SULF2: variants seen among roughly 807,000 people sequenced by gnomAD.
The protein encoded by SULF2 is extracellular sulfatase Sulf-2.
Under a neutral mutation model 107.7 loss-of-function variants are expected in SULF2, and 52 were observed. The ratio of observed to expected loss-of-function variants is 0.48; its 90% CI spans 0.39 to 0.61. The LOEUF is 0.61. Ranked by LOEUF, SULF2 falls within the 20% of genes least tolerant of loss-of-function variation. The pLI is 0.00. For missense variants in SULF2, 993 were observed against 1,177.3 expected (o/e 0.84, Z 2.29); for synonymous variants, 460 against 464.3 (o/e 0.99, Z 0.12).
rs560139975 is a variant in SULF2, at chr20:47,735,083, G to C, written c.415+1620C>G. Among the ~76,000 whole-genome samples, 4 of 152,222 alleles carry C rather than the reference G, an allele frequency of 2.6e-5. No homozygotes were observed. The South Asian group carries it at 6.2e-4, about 24-fold the overall frequency. Reference sequence around the variant, plus strand: ...TTCCATGCCCCCTCTGAATTCCCATGATCTTGCATTCCATTTTGATTATGC... The same window carrying C: ...TTCCATGCCCCCTCTGAATTCCCATCATCTTGCATTCCATTTTGATTATGC... On this transcript the variant is annotated intron_variant, in intron 3 of 20. Transcript: ENST00000688720.
At chr20:47,697,691 G>A (rs11700278) in intron 4 of SULF2, among the ~76,000 whole-genome samples, 29,419 of 152,094 alleles carry the variant, frequency 0.19, 3,598 homozygotes, top group Admixed American at 0.27. Flanking sequence ...ATCCTCTCAC[G>A]CCTCCCTCAC....
Position 47,757,446 on chromosome 20 carries a change from C to T in SULF2, c.-83G>A. The T allele has an allele frequency of 7.0e-7, 1 of 1,431,122 alleles. No homozygotes were observed. Among genetic ancestry groups the T allele is most frequent in the Non-Finnish European group, 9.4e-7 (1 of 1,066,528 alleles). The allele number at this position is 1,431,122 out of a possible 1,614,324, so 88.7% of individuals were successfully genotyped here. ...TGTGGCTTTGTTTCTTTTCCCTCGT[C>T]CCTCTTCACTCGCAGATCTAGAGGA... On this transcript the variant is annotated 5_prime_UTR_variant, in exon 2 of 21. Transcript: ENST00000688720.
intron 2 of SULF2, among the ~76,000 whole-genome samples, chr20:47,754,961 T>C (rs1014374021): frequency 6.6e-6 from 1 of 152,186 alleles, no homozygotes. Flanking sequence ...CAGCCTCCCA[T>C]TAGCTGCTAC....
chr20:47,745,731 T>C (rs2040094753), intron 2 of SULF2, among the ~76,000 whole-genome samples: 1 of 151,846 alleles, frequency 6.6e-6, no homozygotes, highest in African/African-American at 2.4e-5. Flanking sequence ...GGTTTCACCA[T>C]GTTAGCCAGG....
intron 1 of SULF2, among the ~76,000 whole-genome samples, chr20:47,759,043 G>A (rs1217523039): frequency 6.6e-6 from 1 of 152,124 alleles, no homozygotes; most frequent in Non-Finnish European, 1.5e-5. Flanking sequence ...CATTTTCCCA[G>A]GGCAGCCGGA....
At chr20:47,770,633 C>T (rs2090612499) in intron 1 of SULF2, among the ~76,000 whole-genome samples, 1 of 152,210 alleles carries the variant, frequency 6.6e-6, no homozygotes, top group Non-Finnish European at 1.5e-5. Flanking sequence ...TCAGAGGCTC[C>T]TGATCAGGAA....
intron 5 of SULF2, chr20:47,686,272 A>G (rs530833486): frequency 6.6e-6 from 1 of 152,342 alleles, no homozygotes; most frequent in East Asian, 1.9e-4. Flanking sequence ...TGGTTAGTCA[A>G]TGGGAGATTA....
intron 3 of SULF2, among the ~76,000 whole-genome samples, chr20:47,735,154 G>C (rs1414777489): frequency 6.6e-6 from 1 of 152,064 alleles, no homozygotes; most frequent in African/African-American, 2.4e-5. Context: ...TTTTTGGGCT[G>C]CAGTGGCCCT....
At chr20:47,721,616 C>T (rs961215946) in intron 3 of SULF2, among the ~76,000 whole-genome samples, 11 of 152,274 alleles carry the variant, frequency 7.2e-5, no homozygotes, top group Admixed American at 5.2e-4. Context: ...CTGATCCACC[C>T]GCCTCAGCCT....
chr20:47,766,707 G>C (rs1030289617), intron 1 of SULF2, among the ~76,000 whole-genome samples: 1 of 152,180 alleles, frequency 6.6e-6, no homozygotes, highest in African/African-American at 2.4e-5. Flanking sequence ...AGCTACATGT[G>C]AGAATGATCA....
chr20:47,661,695 G>C, intron 18 of SULF2, 78 bp downstream of exon 18: 1 of 1,350,332 alleles, frequency 7.4e-7, no homozygotes, highest in South Asian at 2.1e-5. Flanking sequence ...GCTCATTCTT[G>C]GGGTAGACAC....
chr20:47,765,818 T>C (rs191061259), intron 1 of SULF2, among the ~76,000 whole-genome samples: 1 of 152,324 alleles, frequency 6.6e-6, no homozygotes, highest in East Asian at 1.9e-4. Context: ...GCCTACTCTT[T>C]TGACACTTAT....
At chr20:47,782,521 G>A (rs1337934353) in intron 1 of SULF2, among the ~76,000 whole-genome samples, 3 of 152,098 alleles carry the variant, frequency 2.0e-5, no homozygotes, top group African/African-American at 7.2e-5. Flanking sequence ...TTCCACATCC[G>A]CCCAGGCCTG....
At position 47,664,192 on chromosome 20, in the gene SULF2, G is replaced by C. The variant is rs368194616; in HGVS notation, c.1998-3C>G. On this transcript the variant is annotated splice_region_variant and splice_polypyrimidine_tract_variant and intron_variant, in intron 14 of 20. Coordinates refer to ENST00000688720, the MANE Select transcript of SULF2 (RefSeq NM_001387048.1). ...GGCCTTTGTGCTGGGTGTGGTAGCT[G>C]TAACAGACCCCCCCAGCCCCAGGCT... The C allele has an allele frequency of 5.4e-5, 87 of 1,611,216 alleles. 3 individuals are homozygous for C. In the South Asian group the frequency reaches 8.0e-4, roughly 15 times the overall value.
intron 3 of SULF2, among the ~76,000 whole-genome samples, chr20:47,711,755 A>G (rs2088936043): frequency 7.9e-5 from 12 of 152,232 alleles, no homozygotes. Context: ...GCACACAAAC[A>G]CATCTACGCA....
intron 11 of SULF2, among the ~76,000 whole-genome samples, chr20:47,669,213 C>A (rs559511556): frequency 1.2e-3 from 188 of 152,326 alleles, no homozygotes; most frequent in African/African-American, 4.5e-3. Context: ...CAGCTGGGCC[C>A]ATCCCCCGAG....
intron 1 of SULF2, among the ~76,000 whole-genome samples, chr20:47,778,442 T>C (rs1364220517): frequency 6.6e-6 from 1 of 152,224 alleles, no homozygotes; most frequent in Non-Finnish European, 1.5e-5. Context: ...TGACGCTCCA[T>C]GGCAGAGGCC....
chr20:47,693,845 T>G (rs1346842956), intron 4 of SULF2, among the ~76,000 whole-genome samples: 2 of 152,034 alleles, frequency 1.3e-5, no homozygotes, highest in African/African-American at 2.4e-5. Context: ...TGGGGGGTGA[T>G]TACAGTACCT....
At chr20:47,727,674 T>G (rs7272299) in intron 3 of SULF2, among the ~76,000 whole-genome samples, 26,116 of 152,034 alleles carry the variant, frequency 0.17, 2,361 homozygotes, top group East Asian at 0.38. Context: ...CCTCCTGGGT[T>G]TGTGGGCACA....
Sources: gnomAD v4.1 joint callset for allele counts (sites outside exome capture counted in the v4.1 genomes callset) on GRCh38, gnomAD v4.1.1 for gene constraint, MANE v1.5 for transcripts, NCBI Gene and HGNC (gene_info 2026-07-23, HGNC 2026-07-21) for gene names.